The following AGR3 variants were observed in gnomAD, a reference collection of about 807,000 sequenced individuals.
The protein encoded by AGR3 is anterior gradient protein 3.
AGR3 carries 37 observed loss-of-function variants against 24.5 expected under a neutral mutation model. The ratio of observed to expected loss-of-function variants is 1.51; its 90% confidence interval spans 1.16 to 1.99. The LOEUF is 1.99. AGR3 is among the 30% of genes most tolerant of loss of function. The pLI is 0.00. For synonymous variants in AGR3, 75 were observed against 61.6 expected (o/e 1.22, Z -1.02); for missense variants, 228 against 191.1 (o/e 1.19, Z -1.14).
At chr7:16,875,716 T>C (rs1280470831) in intron 2 of AGR3, among the ~76,000 whole-genome samples, 2 of 152,196 alleles carry the variant, frequency 1.3e-5, no homozygotes, top group African/African-American at 2.4e-5. Context: ...TCATTTTATA[T>C]ACTCACCAGC....
intron 3 of AGR3, chr7:16,865,024 C>T (rs1781728041): frequency 8.3e-6 from 7 of 839,234 alleles, no homozygotes; most frequent in Non-Finnish European, 1.5e-5. Flanking sequence ...AAGTATGTAT[C>T]CTGTTCATAT....
At position 16,873,801 on chromosome 7, in the gene AGR3, C is replaced by A; in HGVS notation, c.152G>T (p.Gly51Val). 1 of 1,612,970 alleles carries A rather than the reference C, an allele frequency of 6.2e-7. No homozygotes were observed. Among genetic ancestry groups the A allele is most frequent in the South Asian group, 1.1e-5 (1 of 91,036 alleles). ...DITWVQTYEE[G>V]LFYAQKSKKP... ...TTACCTTTTTTGAGCATAAAAGAGA[C>A]CTTCTTCATAAGTTTGTACCCAAGT... The change falls in exon 3 of 8, where the codon GGT becomes GTT. Residue 51 changes from glycine (G) to valine (V), a missense_variant. Physicochemically the swap from Gly to Val is moderately radical, Grantham distance 109 (BLOSUM62 -3). Coordinates refer to ENST00000310398, the MANE Select transcript of AGR3 (RefSeq NM_176813.5).
chr7:16,855,110 A>G (rs12673023), downstream of AGR3, among the ~76,000 whole-genome samples: 4,318 of 152,176 alleles, frequency 0.028, 192 homozygotes, highest in East Asian at 0.17. Context: ...CATCCCAAAC[A>G]TTTATCATTC....
chr7:16,865,830 C>T lies in AGR3; in HGVS notation c.174-3168G>A, dbSNP rs901520100. On this transcript the variant is annotated intron_variant, in intron 3 of 7. Transcript: ENST00000310398. ...TCTGGTAAAACTGGATTAATCCACT[C>T]TTGTACTTGAATACCATTCTCCTTT... is the stretch of plus-strand genomic sequence containing the variant. 5 of 745,102 alleles carry T rather than the reference C, an allele frequency of 6.7e-6. No individual in the cohort carries two copies. The Admixed American group carries it at 8.9e-5, about 13-fold the overall frequency. The allele number at this position is 745,102 out of a possible 1,614,324, so 46.2% of individuals were successfully genotyped here.
At chr7:16,856,917 C>T (rs1218318169), downstream of AGR3, among the ~76,000 whole-genome samples, 1 of 151,586 alleles carries the variant, frequency 6.6e-6, no homozygotes, top group Non-Finnish European at 1.5e-5. Flanking sequence ...GGAATGGAAT[C>T]CAAACAATTA....
intron 6 of AGR3, 124 bp from the exon 7 acceptor site, chr7:16,860,707 T>A (rs1781624486): frequency 3.1e-6 from 2 of 651,932 alleles, no homozygotes; most frequent in Non-Finnish European, 5.3e-6. Flanking sequence ...CACAGATATA[T>A]TGTGTGATGC....
chr7:16,864,546 A>G (rs1781713390), intron 3 of AGR3: 2 of 1,355,290 alleles, frequency 1.5e-6, no homozygotes, highest in African/African-American at 1.4e-5. Flanking sequence ...GTTGCTTCAG[A>G]GGGAGCCTTC....
At chr7:16,865,479 C>T (rs1562546716) in intron 3 of AGR3, 16 of 740,228 alleles carry the variant, frequency 2.2e-5, no homozygotes, top group South Asian at 1.8e-4. Flanking sequence ...ATGCTCTTCC[C>T]GAATTTCTTT....
chr7:16,864,543 C>A (rs1480076557), intron 3 of AGR3: 1 of 1,349,014 alleles, frequency 7.4e-7, no homozygotes. Context: ...AGTGTTGCTT[C>A]AGAGGGAGCC....
chr7:16,878,419 G>T, intron 2 of AGR3, 91 bp downstream of exon 2: 5 of 1,088,154 alleles, frequency 4.6e-6, no homozygotes, highest in Non-Finnish European at 6.7e-6. Context: ...AGTTGAATTT[G>T]CTTTATAATT....
Position 16,878,530 on chromosome 7 carries a change from G to T in AGR3, c.89C>A (p.Pro30His), listed in dbSNP as rs1239493303. 1.2e-6 allele frequency: 2 copies of T among 1,613,820 alleles called. No homozygotes were observed. Among genetic ancestry groups the T allele is most frequent in the African/African-American group, 2.7e-5 (2 of 74,922 alleles). Residue 30 changes from proline to histidine, a missense_variant, in exon 2 of 8, where the codon CCT becomes CAT. Coordinates refer to ENST00000310398, the MANE Select transcript of AGR3 (RefSeq NM_176813.5). ...LAIAIKKEKR[P>H]PQTLSRGWGD... is the part of the protein sequence containing the mutation. ...AGCACCTCTTGAGAGTGTCTGAGGA[G>T]GCCTCTTTTCCTTTTTTATTGCAAT... is the stretch of plus-strand genomic sequence containing the variant.
At chr7:16,858,682 C>G (rs183838648), downstream of AGR3, among the ~76,000 whole-genome samples, 2 of 151,468 alleles carry the variant, frequency 1.3e-5, no homozygotes, top group African/African-American at 2.4e-5. Flanking sequence ...ACCAGCCTGG[C>G]CAACATGGTG....
At position 16,873,820 on chromosome 7, in the gene AGR3, C is replaced by T. The variant is rs773020525; in HGVS notation, c.133G>A (p.Val45Ile). 10 of 1,612,910 alleles carry T rather than the reference C, an allele frequency of 6.2e-6. No homozygotes were observed. The Admixed American group carries it at 1.7e-4, about 27-fold the overall frequency. Residue 45 changes from valine to isoleucine, a missense_variant, in exon 3 of 8, where the codon GTA (valine) becomes ATA (isoleucine). Coordinates refer to ENST00000310398, the MANE Select transcript of AGR3 (RefSeq NM_176813.5). Reference protein sequence around the residue: ...SRGWGDDITWVQTYEEGLFYA... With the variant: ...SRGWGDDITWIQTYEEGLFYA... ...AAGAGACCTTCTTCATAAGTTTGTACCCAAGTGATGTCATCTCCCCATCCT... is the reference window on the plus strand; with the variant it reads ...AAGAGACCTTCTTCATAAGTTTGTATCCAAGTGATGTCATCTCCCCATCCT...
chr7:16,866,146 T>C, intron 3 of AGR3: 1 of 540,318 alleles, frequency 1.9e-6, no homozygotes, highest in Non-Finnish European at 3.6e-6. Flanking sequence ...CTTTCTAATG[T>C]AGAAGGCTCA....
chr7:16,860,581 G>A lies in AGR3; in HGVS notation c.370C>T (p.Pro124Ser). 3 of 1,608,966 alleles carry A rather than the reference G, an allele frequency of 1.9e-6. No individual in the cohort carries two copies. The highest frequency in any genetic ancestry group is 2.5e-6 in the Non-Finnish European group (3 of 1,177,436). Residue 124 changes from proline to serine, a missense_variant and splice_region_variant, in exon 7 of 8, where the codon CCT becomes TCT. Physicochemically the swap from Pro to Ser is moderately conservative, Grantham distance 74. Coordinates refer to ENST00000310398, the MANE Select transcript of AGR3 (RefSeq NM_176813.5). ...QYVPRIMFVD[P>S]SLTVRADIAG... ...ATGTCAGCTCTAACTGTTAAAGAAG[G>A]GTCTGTCAAGGAAAAAACCAAGTCA... is the stretch of plus-strand genomic sequence containing the variant.
chr7:16,865,548 A>G, intron 3 of AGR3: 1 of 690,790 alleles, frequency 1.4e-6, no homozygotes, highest in South Asian at 1.6e-5. Context: ...TATAAATATA[A>G]AAGGATATCG....
At chr7:16,861,184 T>C (rs189448237) in intron 6 of AGR3, among the ~76,000 whole-genome samples, 200 bp downstream of exon 6, 1 of 152,334 alleles carries the variant, frequency 6.6e-6, no homozygotes, top group East Asian at 1.9e-4. Context: ...ATAGCATACA[T>C]GCTTTGAAAA....
intron 3 of AGR3, chr7:16,864,406 T>A: frequency 7.8e-7 from 1 of 1,285,812 alleles, no homozygotes; most frequent in Non-Finnish European, 1.1e-6. Flanking sequence ...CAGCTCTGTG[T>A]CCTGTGCGGG....
intron 3 of AGR3, among the ~76,000 whole-genome samples, chr7:16,868,800 G>C (rs1781809345): frequency 6.6e-6 from 1 of 152,158 alleles, no homozygotes; most frequent in African/African-American, 2.4e-5. Context: ...AGCATCAAAG[G>C]AGATAGGCTC....
Sources: gnomAD v4.1 joint callset for allele counts (sites outside exome capture counted in the v4.1 genomes callset) on GRCh38, gnomAD v4.1.1 for gene constraint, MANE v1.5 for transcripts, NCBI Gene and HGNC (gene_info 2026-07-23, HGNC 2026-07-21) for gene names.